The following BACH2 variants were observed in gnomAD, a reference collection of about 807,000 sequenced individuals.
The protein encoded by BACH2 is BACH transcriptional regulator 2.
Under a neutral mutation model 61.8 loss-of-function variants are expected in BACH2, and 5 were observed. The observed-to-expected ratio is 0.08, with a 90% CI of 0.04 to 0.17. The LOEUF (loss-of-function observed/expected upper bound fraction) is 0.17. BACH2 is among the 10% of genes least tolerant of loss of function. The pLI is 1.00. For missense variants in BACH2, 824 were observed against 1,091.1 expected (o/e 0.76, Z 3.45); for synonymous variants, 446 against 440.1 (o/e 1.01, Z -0.17).
intron 6 of BACH2, among the ~76,000 whole-genome samples, chr6:90,003,822 G>A (rs185411196): frequency 1.6e-4 from 25 of 152,270 alleles, no homozygotes; most frequent in Admixed American, 9.8e-4. Context: ...ATGGGGTGAG[G>A]CCAAAGGGCA....
At chr6:90,229,497 C>T (rs1334928755) in intron 3 of BACH2, among the ~76,000 whole-genome samples, 1 of 152,032 alleles carries the variant, frequency 6.6e-6, no homozygotes, top group Admixed American at 6.6e-5. Flanking sequence ...GGGGTGGAAG[C>T]CAGGCCATCT....
chr6:90,296,238 G>A (rs1260398968), intron 1 of BACH2, among the ~76,000 whole-genome samples: 3 of 151,960 alleles, frequency 2.0e-5, no homozygotes, highest in African/African-American at 4.8e-5. Flanking sequence ...CAGCCGGGAG[G>A]GAGAGCACAC....
chr6:89,946,379 T>C (rs568212271), intron 7 of BACH2, among the ~76,000 whole-genome samples: 1 of 152,332 alleles, frequency 6.6e-6, no homozygotes, highest in East Asian at 1.9e-4. Context: ...CTGATGAATA[T>C]GTGAATTGCT....
At chr6:90,209,937 C>CT (rs1420886336) in intron 3 of BACH2, among the ~76,000 whole-genome samples, 1 of 152,144 alleles carries the variant, frequency 6.6e-6, no homozygotes, top group Non-Finnish European at 1.5e-5. Flanking sequence ...GATACAGACT[C>CT]TTAAGTGTGG....
At chr6:90,060,253 A>AT (rs965233126) in intron 5 of BACH2, among the ~76,000 whole-genome samples, 1 of 152,020 alleles carries the variant, frequency 6.6e-6, no homozygotes, top group Non-Finnish European at 1.5e-5. Context: ...CATTCTGCAT[A>AT]TTTTTGTTGC....
chr6:90,138,997 T>C (rs938442685), intron 4 of BACH2, among the ~76,000 whole-genome samples: 4 of 152,140 alleles, frequency 2.6e-5, no homozygotes, highest in Non-Finnish European at 5.9e-5. Flanking sequence ...TTTTGAAGGA[T>C]TGTCCTTTCC....
chr6:90,155,943 T>C (rs899571549), intron 4 of BACH2, among the ~76,000 whole-genome samples: 7 of 152,178 alleles, frequency 4.6e-5, no homozygotes, highest in Non-Finnish European at 8.8e-5. Flanking sequence ...TAAAGTCCTA[T>C]TCTCAGATGA....
chr6:90,296,801 CTG>C lies in BACH2; in HGVS notation c.-769_-768del. On this transcript the variant is annotated 5_prime_UTR_variant, in exon 1 of 9. Coordinates refer to ENST00000257749, the MANE Select transcript of BACH2 (RefSeq NM_021813.4). ...TGCACGGCCGCTGCTGCCGCTGCTGCTGCTGCTGCTGCTGCTGAGGCGGCGGC... is the reference window on the plus strand; with the variant it reads ...TGCACGGCCGCTGCTGCCGCTGCTGCCTGCTGCTGCTGCTGAGGCGGCGGC... 1 of 175,706 alleles carries C rather than the reference CTG, an allele frequency of 5.7e-6. No homozygotes were observed. The highest frequency in any genetic ancestry group is 1.1e-5 in the Non-Finnish European group (1 of 86,984). The allele number at this position is 175,706 out of a possible 1,614,324, so 10.9% of individuals were successfully genotyped here.
intron 4 of BACH2, among the ~76,000 whole-genome samples, chr6:90,166,755 G>C (rs1038681483): frequency 5.3e-5 from 8 of 152,202 alleles, no homozygotes; most frequent in African/African-American, 1.9e-4. Context: ...GTCCTTTGTA[G>C]GGACATGGAT....
In BACH2 at chr6:89,928,693, T is replaced by C. The variant is rs959097748; in HGVS notation, c.*3715A>G. The C allele has an allele frequency of 2.0e-5, 3 of 152,660 alleles. No homozygotes were observed. Among genetic ancestry groups the C allele is most frequent in the African/African-American group, 4.8e-5 (2 of 41,422 alleles). 9.5% of individuals were successfully genotyped at this position (152,660 alleles called of 1,614,324 possible). A position where few individuals can be genotyped will look rare whatever the true frequency, so the allele number is the denominator to read the frequency against. ...AATGTAAGGATTACATCCCGAATTATAGTGCATCTTAAAAGCAGCAAACCT... is the reference window on the plus strand; with the variant it reads ...AATGTAAGGATTACATCCCGAATTACAGTGCATCTTAAAAGCAGCAAACCT... On this transcript the variant is annotated 3_prime_UTR_variant, in exon 9 of 9. Coordinates refer to ENST00000257749, the MANE Select transcript of BACH2 (RefSeq NM_021813.4).
At position 89,932,371 on chromosome 6, in the gene BACH2, G is replaced by A. The variant is rs1772704819; in HGVS notation, c.*37C>T. Reference sequence around the variant, plus strand: ...CAGGCTGACTGAAGAACGCCTGGATGGGAGAGGTGTGCGGACTGGGAGGCA... The same window carrying A: ...CAGGCTGACTGAAGAACGCCTGGATAGGAGAGGTGTGCGGACTGGGAGGCA... On this transcript the variant is annotated 3_prime_UTR_variant, in exon 9 of 9. Coordinates refer to ENST00000257749, the MANE Select transcript of BACH2 (RefSeq NM_021813.4). 6.3e-7 allele frequency: 1 copy of A among 1,591,384 alleles called. No individual in the cohort carries two copies. The highest frequency in any genetic ancestry group is 8.6e-7 in the Non-Finnish European group (1 of 1,164,194).
intron 4 of BACH2, among the ~76,000 whole-genome samples, chr6:90,196,036 C>T (rs919422838): frequency 2.6e-5 from 4 of 151,970 alleles, no homozygotes; most frequent in Admixed American, 1.3e-4. Context: ...AATAAAGAAA[C>T]GGAGTTTTGA....
intron 4 of BACH2, among the ~76,000 whole-genome samples, chr6:90,143,956 T>C (rs1201888941): frequency 6.6e-6 from 1 of 152,214 alleles, no homozygotes; most frequent in East Asian, 1.9e-4. Context: ...CTTTCCCCTG[T>C]TAGAAGGAAA....
At chr6:90,037,600 T>C (rs1235445086) in intron 5 of BACH2, among the ~76,000 whole-genome samples, 1 of 152,116 alleles carries the variant, frequency 6.6e-6, no homozygotes, top group Non-Finnish European at 1.5e-5. Context: ...CACATATCAG[T>C]CACTAAAACT....
At chr6:90,210,234 CTTCAT>C (rs1418217620) in intron 3 of BACH2, among the ~76,000 whole-genome samples, 1 of 151,742 alleles carries the variant, frequency 6.6e-6, no homozygotes, top group African/African-American at 2.4e-5. Context: ...CTAGAAGTGA[CTTCAT>C]TTCAAGACGC....
chr6:90,004,037 T>C (rs57474129), intron 6 of BACH2, among the ~76,000 whole-genome samples: 1,648 of 152,320 alleles, frequency 0.011, 11 homozygotes, highest in Middle Eastern at 0.034. Context: ...AAGATAATCA[T>C]GACTGTCTTA....
chr6:90,296,599 G>T lies in BACH2; in HGVS notation c.-565C>A, dbSNP rs2127898304. On this transcript the variant is annotated 5_prime_UTR_variant, in exon 1 of 9. Coordinates refer to ENST00000257749, the MANE Select transcript of BACH2 (RefSeq NM_021813.4). ...GTGGGTCACCGAAAGCTCGCGGAGGGGACGCGCATCACATGGCAGCTCGTT... is the reference window on the plus strand; with the variant it reads ...GTGGGTCACCGAAAGCTCGCGGAGGTGACGCGCATCACATGGCAGCTCGTT... 6.6e-6 allele frequency: 1 copy of T among 152,092 alleles called. No individual in the cohort carries two copies. Among genetic ancestry groups the T allele is most frequent in the African/African-American group, 2.4e-5 (1 of 41,504 alleles). 9.4% of individuals were successfully genotyped at this position (152,092 alleles called of 1,614,324 possible). A position where few individuals can be genotyped will look rare whatever the true frequency, so the allele number is the denominator to read the frequency against.
chr6:90,286,149 T>C (rs1030790125), intron 1 of BACH2, among the ~76,000 whole-genome samples: 1 of 152,164 alleles, frequency 6.6e-6, no homozygotes, highest in African/African-American at 2.4e-5. Context: ...TAACTGCTTT[T>C]CCTCCCTTCT....
At chr6:90,019,014 G>T (rs543330260) in intron 5 of BACH2, among the ~76,000 whole-genome samples, 4 of 151,984 alleles carry the variant, frequency 2.6e-5, no homozygotes, top group Non-Finnish European at 5.9e-5. Context: ...CCCATATAGG[G>T]TCTCAATTCT....
Sources: gnomAD v4.1 joint callset for allele counts (sites outside exome capture counted in the v4.1 genomes callset) on GRCh38, gnomAD v4.1.1 for gene constraint, MANE v1.5 for transcripts, NCBI Gene and HGNC (gene_info 2026-07-23, HGNC 2026-07-21) for gene names.